Variants in TMEM178B observed in about 807,000 individuals in gnomAD.
The protein encoded by TMEM178B is transmembrane protein 178B.
Under a neutral mutation model 31.0 loss-of-function variants are expected in TMEM178B, and 5 were observed. The observed-to-expected ratio is 0.16, with a 90% CI of 0.08 to 0.34. TMEM178B has a LOEUF of 0.34. TMEM178B is among the 10% of genes least tolerant of loss of function. The pLI is 1.00. For synonymous variants in TMEM178B, 164 were observed against 164.0 expected, an observed-to-expected ratio of 1.00 and a Z score of 0.00; for missense variants, 275 against 400.3, an observed-to-expected ratio of 0.69 and a Z score of 2.67.
At position 141,354,861 on chromosome 7, in the gene TMEM178B, A is replaced by T. The variant is rs1419444068; in HGVS notation, c.497-82747A>T. Among the ~76,000 whole-genome samples the T allele has an allele frequency of 2.6e-5, 4 of 152,178 alleles. No individual in the cohort carries two copies. In the East Asian group the frequency reaches 7.7e-4, roughly 29 times the overall value. ...TTTCCTTTCATCTCCTCAGGACTCC[A>T]GTGTCTTCTGACTTTTCTCCCCTTT... is the stretch of plus-strand genomic sequence containing the variant. On this transcript the variant is annotated intron_variant, in intron 2 of 3. Transcript: ENST00000565468.
intron 2 of TMEM178B, among the ~76,000 whole-genome samples, chr7:141,250,694 A>C (rs964570601): frequency 2.6e-5 from 4 of 152,134 alleles, no homozygotes; most frequent in African/African-American, 9.7e-5. Context: ...CCTGCTGAGC[A>C]CCTGGCCACG....
At chr7:141,309,316 T>C (rs1563147515) in intron 2 of TMEM178B, among the ~76,000 whole-genome samples, 1 of 152,204 alleles carries the variant, frequency 6.6e-6, no homozygotes, top group East Asian at 1.9e-4. Flanking sequence ...TGCCTTTTGC[T>C]CTTTAAATAG....
intron 2 of TMEM178B, among the ~76,000 whole-genome samples, chr7:141,295,248 G>T (rs1586876414): frequency 6.6e-6 from 1 of 152,194 alleles, no homozygotes; most frequent in Admixed American, 6.5e-5. Flanking sequence ...GGAGATGGGG[G>T]TTGGAGGAGA....
At chr7:141,107,206 G>A (rs546424088) in intron 1 of TMEM178B, among the ~76,000 whole-genome samples, 1 of 152,358 alleles carries the variant, frequency 6.6e-6, no homozygotes, top group South Asian at 2.1e-4. Context: ...AGTAGAGTGA[G>A]TGAGGGATAG....
At chr7:141,078,727 A>G (rs1794637420) in intron 1 of TMEM178B, among the ~76,000 whole-genome samples, 1 of 152,112 alleles carries the variant, frequency 6.6e-6, no homozygotes. Context: ...TGAAATCTGA[A>G]CAAGATGTTT....
At chr7:141,153,248 C>G (rs1467072330) in intron 1 of TMEM178B, among the ~76,000 whole-genome samples, 1 of 152,134 alleles carries the variant, frequency 6.6e-6, no homozygotes, top group Non-Finnish European at 1.5e-5. Context: ...CTGCTTTCCC[C>G]CATCTCTGCA....
chr7:141,302,868 G>A (rs1798752074), intron 2 of TMEM178B, among the ~76,000 whole-genome samples: 4 of 152,212 alleles, frequency 2.6e-5, no homozygotes, highest in Non-Finnish European at 5.9e-5. Flanking sequence ...CAGCCTGATA[G>A]AGACTTGACC....
downstream of TMEM178B, among the ~76,000 whole-genome samples, chr7:141,483,980 C>T (rs1281016691): frequency 1.3e-5 from 2 of 152,098 alleles, no homozygotes; most frequent in Non-Finnish European, 2.9e-5. Context: ...AGGTGATCCA[C>T]ACGTCTCGGC....
chr7:141,408,490 C>T (rs1800925170), intron 2 of TMEM178B, among the ~76,000 whole-genome samples: 3 of 152,198 alleles, frequency 2.0e-5, no homozygotes, highest in Admixed American at 2.0e-4. Flanking sequence ...CTACCAGTTT[C>T]CCAGAGTGGC....
intron 2 of TMEM178B, among the ~76,000 whole-genome samples, chr7:141,312,880 A>T (rs1390922617): frequency 6.6e-6 from 1 of 152,244 alleles, no homozygotes; most frequent in African/African-American, 2.4e-5. Context: ...TTAACTAAAG[A>T]CACAATTTGA....
chr7:141,136,180 A>T (rs922794485), intron 1 of TMEM178B, among the ~76,000 whole-genome samples: 1 of 152,244 alleles, frequency 6.6e-6, no homozygotes, highest in African/African-American at 2.4e-5. Context: ...AAAAACAGAC[A>T]TATAGACCAA....
intron 1 of TMEM178B, among the ~76,000 whole-genome samples, chr7:141,199,328 A>G (rs928198659): frequency 1.3e-5 from 2 of 152,244 alleles, no homozygotes; most frequent in African/African-American, 4.8e-5. Context: ...GGTTTCTGCC[A>G]TTAGTAGTAA....
chr7:141,169,072 T>A (rs1796305213), intron 1 of TMEM178B, among the ~76,000 whole-genome samples: 1 of 152,232 alleles, frequency 6.6e-6, no homozygotes, highest in East Asian at 1.9e-4. Context: ...TATTTTAAGT[T>A]CAGGGGTACA....
chr7:141,208,634 C>T (rs1464410844), intron 1 of TMEM178B, among the ~76,000 whole-genome samples: 1 of 152,240 alleles, frequency 6.6e-6, no homozygotes, highest in Non-Finnish European at 1.5e-5. Context: ...GTGGTGGCTG[C>T]TCCAGGCAGG....
At chr7:141,501,160 G>A in the TMEM178B span, among the ~76,000 whole-genome samples, 74 of 151,872 alleles carry the variant, frequency 4.9e-4, no homozygotes, top group African/African-American at 1.7e-3. Context: ...ACTTTCATGG[G>A]GTTTATCCAT....
chr7:141,159,543 C>G (rs1413105550), intron 1 of TMEM178B, among the ~76,000 whole-genome samples: 1 of 152,198 alleles, frequency 6.6e-6, no homozygotes, highest in African/African-American at 2.4e-5. Context: ...AAGGCGGAAG[C>G]AACCCACGTG....
intron 2 of TMEM178B, chr7:141,429,809 A>G (rs917816037): frequency 6.6e-6 from 1 of 152,268 alleles, no homozygotes; most frequent in African/African-American, 2.4e-5. Context: ...TGATAAAAAC[A>G]TAAAATGTTA....
At chr7:141,353,398 C>A (rs1473957674) in intron 2 of TMEM178B, among the ~76,000 whole-genome samples, 1 of 152,216 alleles carries the variant, frequency 6.6e-6, no homozygotes, top group African/African-American at 2.4e-5. Flanking sequence ...GCTTATCTCA[C>A]ATTTTATTCT....
intron 1 of TMEM178B, among the ~76,000 whole-genome samples, chr7:141,183,618 C>T (rs574203468): frequency 2.6e-5 from 4 of 152,272 alleles, no homozygotes; most frequent in African/African-American, 9.6e-5. Context: ...GCCTTCTCTC[C>T]TCCTTCTTCT....
Sources: allele counts gnomAD v4.1 joint callset (sites outside exome capture counted in the v4.1 genomes callset), GRCh38; gene constraint gnomAD v4.1.1; transcripts MANE v1.5; gene names NCBI Gene and HGNC (gene_info 2026-07-23, HGNC 2026-07-21).